Variants in DNAAF9 observed in about 807,000 individuals in gnomAD.
The protein encoded by DNAAF9 is shulin.
A neutral mutation model predicts 167.0 loss-of-function variants in DNAAF9; 90 were observed. That is an observed-to-expected ratio of 0.54 (90% CI 0.45 to 0.64). DNAAF9 has a LOEUF of 0.64. Ranked by LOEUF, DNAAF9 falls within the 30% of genes least tolerant of loss-of-function variation. The probability of loss-of-function intolerance (pLI) is 0.00; values close to 1 mark genes in which losing one functional copy is unlikely to be tolerated. For missense variants in DNAAF9, 1,315 were observed against 1,442.2 expected (o/e 0.91, Z 1.43); for synonymous variants, 491 against 508.8 (o/e 0.96, Z 0.47).
At chr20:3,263,243 G>A (rs2068426788) in intron 31 of DNAAF9, among the ~76,000 whole-genome samples, 1 of 152,094 alleles carries the variant, frequency 6.6e-6, no homozygotes, top group Non-Finnish European at 1.5e-5. Flanking sequence ...CAAAGTGCTG[G>A]GATTACAGGC....
chr20:3,328,000 G>A lies in DNAAF9; in HGVS notation c.1101-1716C>T, dbSNP rs1391752293. 2.0e-5 allele frequency among the ~76,000 whole-genome samples: 3 copies of A among 152,278 alleles called. No individual in the cohort carries two copies. In the East Asian group the frequency reaches 5.8e-4, roughly 29 times the overall value. On this transcript the variant is annotated intron_variant, in intron 12 of 36. Transcript: ENST00000252032. ...CTTTGACACTAAGGGTGCATTTAAA[G>A]ATGCCAAACCCAAAGACATGCAAAG...
intron 1 of DNAAF9, among the ~76,000 whole-genome samples, chr20:3,391,238 TTTAA>T (rs1377443367): frequency 1.3e-5 from 2 of 152,182 alleles, no homozygotes; most frequent in Non-Finnish European, 2.9e-5. Flanking sequence ...GCTTCCCAAA[TTTAA>T]TTATTAACCA....
intron 9 of DNAAF9, among the ~76,000 whole-genome samples, chr20:3,341,997 T>A (rs934562553): frequency 2.1e-4 from 32 of 152,246 alleles, no homozygotes; most frequent in African/African-American, 6.5e-4. Context: ...CAGGATGGTC[T>A]TGATCTCCTG....
At chr20:3,295,930 T>A (rs141511190) in intron 23 of DNAAF9, 1 of 1,570,056 alleles carries the variant, frequency 6.4e-7, no homozygotes, top group South Asian at 1.1e-5. Flanking sequence ...TCAGACATAT[T>A]TCCCCTGTCT....
chr20:3,323,800 T>C (rs967622072), intron 14 of DNAAF9, among the ~76,000 whole-genome samples: 1 of 152,216 alleles, frequency 6.6e-6, no homozygotes, highest in African/African-American at 2.4e-5. Flanking sequence ...AGAATGACTA[T>C]GCCAGCCATA....
At chr20:3,365,353 T>C (rs1285617615) in intron 6 of DNAAF9, among the ~76,000 whole-genome samples, 1 of 150,624 alleles carries the variant, frequency 6.6e-6, no homozygotes, top group African/African-American at 2.5e-5. Context: ...CTCTGTGATA[T>C]GCCACACTAT....
chr20:3,319,749 A>G (rs2069581349), intron 16 of DNAAF9, among the ~76,000 whole-genome samples: 1 of 152,232 alleles, frequency 6.6e-6, no homozygotes, highest in Non-Finnish European at 1.5e-5. Flanking sequence ...GAAAAAAACC[A>G]CAGTTAAGGC....
Position 3,326,202 on chromosome 20 carries a change from T to C in DNAAF9, c.1183A>G (p.Thr395Ala). The C allele has an allele frequency of 6.3e-7, 1 of 1,594,956 alleles. No individual in the cohort carries two copies. The highest frequency in any genetic ancestry group is 8.6e-7 in the Non-Finnish European group (1 of 1,162,616). Reference sequence around the variant, plus strand: ...AAACATGGTATTTAAATTACCTTTGTTAGACTGGAAGTTTTAGCATAACAT... The same window carrying C: ...AAACATGGTATTTAAATTACCTTTGCTAGACTGGAAGTTTTAGCATAACAT... ...IACYAKTSSL[T>A]KAKEVAEQTL... is the part of the protein sequence containing the mutation. Residue 395 changes from threonine (T) to alanine (A), a missense_variant, in exon 13 of 37, where the codon ACA (threonine) becomes GCA (alanine). Physicochemically the swap from Thr to Ala is moderately conservative, Grantham distance 58. Coordinates refer to ENST00000252032, the MANE Select transcript of DNAAF9 (RefSeq NM_001009984.3).
intron 21 of DNAAF9, among the ~76,000 whole-genome samples, chr20:3,301,905 A>G (rs570903334): frequency 1.3e-5 from 2 of 152,156 alleles, no homozygotes; most frequent in African/African-American, 4.8e-5. Context: ...CCCAATTTTA[A>G]AAATTTGCCT....
intron 25 of DNAAF9, among the ~76,000 whole-genome samples, chr20:3,292,330 G>C (rs1172195865): frequency 6.6e-6 from 1 of 152,188 alleles, no homozygotes; most frequent in Non-Finnish European, 1.5e-5. Flanking sequence ...CAACAAGTAG[G>C]TATGCTTTAC....
chr20:3,253,893 G>C, intron 35 of DNAAF9, 74 bp from the exon 36 acceptor site: 1 of 877,682 alleles, frequency 1.1e-6, no homozygotes, highest in Non-Finnish European at 1.9e-6. Flanking sequence ...AAACAAACAA[G>C]TCTATTTCCC....
intron 17 of DNAAF9, among the ~76,000 whole-genome samples, chr20:3,318,002 T>C (rs191145387): frequency 7.3e-4 from 111 of 152,316 alleles, no homozygotes; most frequent in Admixed American, 3.3e-3. Flanking sequence ...TGTTCATTTT[T>C]TTTGCTCATT....
At position 3,348,581 on chromosome 20, in the gene DNAAF9, T is replaced by C. The variant is rs2070244951; in HGVS notation, c.733A>G (p.Asn245Asp). ...FEHQWTSFFA[N>D]FDTEIPFLLE... ...AGGAAAGGAATTTCTGTGTCAAAAT[T>C]AGCGAAGAAGCTAGTCCACTGATGT... The change falls in exon 8 of 37, where the codon AAT becomes GAT. Residue 245 changes from asparagine (N) to aspartate (D), a missense_variant. Coordinates refer to ENST00000252032, the MANE Select transcript of DNAAF9 (RefSeq NM_001009984.3). 6.2e-7 allele frequency: 1 copy of C among 1,605,448 alleles called. No homozygotes were observed. Among genetic ancestry groups the C allele is most frequent in the Non-Finnish European group, 8.5e-7 (1 of 1,174,954 alleles).
chr20:3,316,112 A>T, intron 18 of DNAAF9: 1 of 379,930 alleles, frequency 2.6e-6, no homozygotes, highest in Non-Finnish European at 4.8e-6. Flanking sequence ...TAATGTATTA[A>T]AATATTTTCA....
chr20:3,381,031 T>C (rs2083643353), intron 3 of DNAAF9, among the ~76,000 whole-genome samples: 1 of 152,204 alleles, frequency 6.6e-6, no homozygotes, highest in African/African-American at 2.4e-5. Flanking sequence ...ACCTCACAAC[T>C]GAAGGTGCTT....
Position 3,361,922 on chromosome 20 carries a change from C to T in DNAAF9, c.613-2329G>A, listed in dbSNP as rs368938423. On this transcript the variant is annotated intron_variant, in intron 6 of 36. Transcript: ENST00000252032. ...GTCCTTCAGGTGGCTGAGGGAGTTT[C>T]ATATTTTCTTTAGACATCATTAGGC... 5.2e-5 allele frequency: 78 copies of T among 1,511,568 alleles called. No individual in the cohort carries two copies. In the African/African-American group the frequency reaches 8.0e-4, roughly 15 times the overall value. 93.6% of individuals were successfully genotyped at this position (1,511,568 alleles called of 1,614,324 possible).
intron 7 of DNAAF9, among the ~76,000 whole-genome samples, chr20:3,355,814 A>C (rs1264503764): frequency 2.0e-5 from 3 of 152,118 alleles, no homozygotes; most frequent in Non-Finnish European, 4.4e-5. Flanking sequence ...ACTGGTATCA[A>C]TATTCATAAT....
chr20:3,382,805 G>C (rs2083678159), intron 1 of DNAAF9, among the ~76,000 whole-genome samples: 1 of 152,150 alleles, frequency 6.6e-6, no homozygotes, highest in Admixed American at 6.5e-5. Context: ...TGGTGGAAAG[G>C]ATTAAGACTC....
intron 9 of DNAAF9, 23 bp from the exon 10 acceptor site, chr20:3,340,662 T>A: frequency 3.1e-6 from 5 of 1,612,826 alleles, no homozygotes; most frequent in East Asian, 2.2e-5. Flanking sequence ...GTCAAAAACA[T>A]GTGATTAGAA....
Sources: allele counts gnomAD v4.1 joint callset (sites outside exome capture counted in the v4.1 genomes callset), GRCh38; gene constraint gnomAD v4.1.1; transcripts MANE v1.5; gene names NCBI Gene and HGNC (gene_info 2026-07-23, HGNC 2026-07-21).